ONECUT1: variants seen among roughly 807,000 people sequenced by gnomAD.
ONECUT1 encodes the protein hepatocyte nuclear factor 6.
ONECUT1 carries 12 observed loss-of-function variants against 25.6 expected under a neutral mutation model. The ratio of observed to expected loss-of-function variants is 0.47; its 90% CI spans 0.30 to 0.76. The LOEUF (loss-of-function observed/expected upper bound fraction) is 0.76, where lower values mean the gene tolerates loss of function less well. ONECUT1 is among the 30% of genes least tolerant of loss of function. The probability of loss-of-function intolerance (pLI) is 0.07; values close to 1 mark genes in which losing one functional copy is unlikely to be tolerated. For synonymous variants in ONECUT1, 285 were observed against 270.2 expected, an observed-to-expected ratio of 1.05 and a Z score of -0.54; for missense variants, 620 against 651.2, an observed-to-expected ratio of 0.95 and a Z score of 0.52.
intron 1 of ONECUT1, among the ~76,000 whole-genome samples, chr15:52,776,719 A>G (rs759475841): frequency 6.6e-6 from 1 of 152,136 alleles, no homozygotes; most frequent in Non-Finnish European, 1.5e-5. Flanking sequence ...ATTTTCCTGC[A>G]TGCTTCCTCC....
At chr15:52,780,477 G>A in intron 1 of ONECUT1, 4 of 1,025,006 alleles carry the variant, frequency 3.9e-6, no homozygotes, top group Non-Finnish European at 5.6e-6. Context: ...TTAGTTAACC[G>A]CATTAGTGTG....
Position 52,789,678 on chromosome 15 carries a change from G to A in ONECUT1, c.207C>T (p.His69=), listed in dbSNP as rs758691271. ...TGTGCTCAGGGGCCCGGTGGTGGTG[G>A]TGGTAATCTCCGCCGCCGCTGCCGC... is the stretch of plus-strand genomic sequence containing the variant. The part of the protein sequence containing the change: ...LDGGSGGGDY[H]HHHRAPEHSL... The change falls in exon 1 of 2, where the codon CAC becomes CAT. Residue 69 remains histidine, a synonymous_variant. Coordinates refer to ENST00000305901, the MANE Select transcript of ONECUT1 (RefSeq NM_004498.4). This position sits in a 1 kb window ranked among gnomAD's most constrained non-coding sequence, Gnocchi z 4.1. 8 of 1,511,940 alleles carry A rather than the reference G, an allele frequency of 5.3e-6. No homozygotes were observed. In the Admixed American group the frequency reaches 1.8e-4, roughly 34 times the overall value. 93.7% of individuals were successfully genotyped at this position (1,511,940 alleles called of 1,614,324 possible). A position where few individuals can be genotyped will look rare whatever the true frequency, so the allele number is the denominator to read the frequency against.
At chr15:52,767,602 A>G (rs1253401736) in intron 1 of ONECUT1, among the ~76,000 whole-genome samples, 1 of 152,212 alleles carries the variant, frequency 6.6e-6, no homozygotes, top group Non-Finnish European at 1.5e-5. Flanking sequence ...GCAGCTTCAA[A>G]GGAACTGGTG....
At chr15:52,771,609 A>G (rs887893737) in intron 1 of ONECUT1, among the ~76,000 whole-genome samples, 3 of 151,046 alleles carry the variant, frequency 2.0e-5, no homozygotes, top group Non-Finnish European at 2.9e-5. Context: ...TTTTTTTTAC[A>G]ATGAGCATGT....
intron 1 of ONECUT1, among the ~76,000 whole-genome samples, chr15:52,758,558 T>G (rs375288104): frequency 8.0e-4 from 122 of 152,306 alleles, no homozygotes; most frequent in African/African-American, 2.8e-3. Context: ...AGACTAAACC[T>G]GCCAAGTTAG....
At chr15:52,782,419 C>T (rs1320837969) in intron 1 of ONECUT1, among the ~76,000 whole-genome samples, 1 of 152,102 alleles carries the variant, frequency 6.6e-6, no homozygotes, top group East Asian at 1.9e-4. Flanking sequence ...AGAACCTATA[C>T]AAACCTATTG....
At chr15:52,762,335 T>A (rs2083710753) in intron 1 of ONECUT1, among the ~76,000 whole-genome samples, 2 of 152,198 alleles carry the variant, frequency 1.3e-5, no homozygotes, top group Admixed American at 6.5e-5. Flanking sequence ...TAAGGACATT[T>A]AAAAAAATCT....
intron 1 of ONECUT1, among the ~76,000 whole-genome samples, chr15:52,780,219 C>T (rs1596055062): frequency 6.6e-6 from 1 of 152,118 alleles, no homozygotes; most frequent in Non-Finnish European, 1.5e-5. Flanking sequence ...CTGTTTATTA[C>T]TCTGGGGTGG....
intron 1 of ONECUT1, among the ~76,000 whole-genome samples, chr15:52,767,128 C>T (rs1180272224): frequency 6.6e-6 from 1 of 152,000 alleles, no homozygotes; most frequent in Non-Finnish European, 1.5e-5. Flanking sequence ...GGTTAAGAGA[C>T]TGGCCCAAGT....
At chr15:52,776,523 C>CTTCCTCTCCA (rs2083802228) in intron 1 of ONECUT1, among the ~76,000 whole-genome samples, 1 of 152,196 alleles carries the variant, frequency 6.6e-6, no homozygotes, top group African/African-American at 2.4e-5. Context: ...CTCCCATTAT[C>CTTCCTCTCCA]TTCCTCTCCA....
At chr15:52,786,297 T>C (rs1049895702) in intron 1 of ONECUT1, among the ~76,000 whole-genome samples, 25 of 152,260 alleles carry the variant, frequency 1.6e-4, no homozygotes, top group Non-Finnish European at 2.6e-4. Flanking sequence ...TGTTCCTGGT[T>C]CCTTGCAGGA....
In ONECUT1 at chr15:52,788,595, C is replaced by T. The variant is rs775702602; in HGVS notation, c.1105+185G>A. On this transcript the variant is annotated intron_variant, in intron 1 of 1. Coordinates refer to ENST00000305901, the MANE Select transcript of ONECUT1 (RefSeq NM_004498.4). This position sits in a 1 kb window ranked among gnomAD's most constrained non-coding sequence, Gnocchi z 4.3. Reference sequence around the variant, plus strand: ...CCTTCCACAGCCCAACACCCTGAGCCCTGGAGTAGGCAATTTGCTCCCACA... The same window carrying T: ...CCTTCCACAGCCCAACACCCTGAGCTCTGGAGTAGGCAATTTGCTCCCACA... 8 of 648,978 alleles carry T rather than the reference C, an allele frequency of 1.2e-5. No homozygotes were observed. Among genetic ancestry groups the T allele is most frequent in the African/African-American group, 7.3e-5 (4 of 54,790 alleles). 40.2% of individuals were successfully genotyped at this position (648,978 alleles called of 1,614,324 possible).
intron 1 of ONECUT1, among the ~76,000 whole-genome samples, chr15:52,774,122 TACACACACACACACAC>T (rs35891922): frequency 4.4e-5 from 6 of 137,716 alleles, no homozygotes; most frequent in African/African-American, 1.7e-4. Context: ...ATTGGAAGGA[TACACACACACACACAC>T]ACACACACAC....
At chr15:52,782,631 A>T (rs893339661) in intron 1 of ONECUT1, among the ~76,000 whole-genome samples, 17 of 152,206 alleles carry the variant, frequency 1.1e-4, no homozygotes, top group Non-Finnish European at 2.1e-4. Flanking sequence ...TTTCTCCAGC[A>T]TTATAAGAAA....
At position 52,788,709 on chromosome 15, in the gene ONECUT1, C is replaced by A. The variant is rs997638017; in HGVS notation, c.1105+71G>T. 3 of 1,509,046 alleles carry A rather than the reference C, an allele frequency of 2.0e-6. No homozygotes were observed. The highest frequency in any genetic ancestry group is 2.7e-5 in the African/African-American group (2 of 73,218). The allele number at this position is 1,509,046 out of a possible 1,614,324, so 93.5% of individuals were successfully genotyped here. On this transcript the variant is annotated intron_variant, in intron 1 of 1. Transcript: ENST00000305901. This position sits in a 1 kb window ranked among gnomAD's most constrained non-coding sequence, Gnocchi z 4.3. Reference sequence around the variant, plus strand: ...AAGCGCACCCAGCCCTCTCTCCTACCCTTCCTCCTTTGGTCCCTTCGGCTT... The same window carrying A: ...AAGCGCACCCAGCCCTCTCTCCTACACTTCCTCCTTTGGTCCCTTCGGCTT...
At chr15:52,771,957 T>C (rs77142288) in intron 1 of ONECUT1, among the ~76,000 whole-genome samples, 4,498 of 152,292 alleles carry the variant, frequency 0.03, 89 homozygotes, top group East Asian at 0.085. Flanking sequence ...AGGTAATTCC[T>C]GTGAGTTCAG....
At chr15:52,767,683 G>A (rs946163431) in intron 1 of ONECUT1, among the ~76,000 whole-genome samples, 30 of 152,156 alleles carry the variant, frequency 2.0e-4, no homozygotes, top group African/African-American at 7.2e-4. Flanking sequence ...CTCTTTTCTG[G>A]AAGTTTGGCT....
intron 1 of ONECUT1, 40 bp from the exon 2 acceptor site, chr15:52,757,887 G>T (rs761152633): frequency 6.3e-7 from 1 of 1,578,878 alleles, no homozygotes; most frequent in Non-Finnish European, 8.6e-7. Flanking sequence ...AAATGGTCTA[G>T]GGGAGAATCA....
At chr15:52,780,666 C>A in intron 1 of ONECUT1, 2 of 1,533,790 alleles carry the variant, frequency 1.3e-6, no homozygotes, top group South Asian at 1.2e-5. Context: ...GCACTTCAGT[C>A]GCAGAATCTG....
Sources: gnomAD v4.1 joint callset for allele counts (sites outside exome capture counted in the v4.1 genomes callset) on GRCh38, gnomAD v4.1.1 for gene constraint, Gnocchi (gnomAD v3.1) non-coding constraint, MANE v1.5 for transcripts, NCBI Gene and HGNC (gene_info 2026-07-23, HGNC 2026-07-21) for gene names.